The following IFT20 variants were observed in gnomAD, a reference collection of about 807,000 sequenced individuals.
IFT20 encodes the protein intraflagellar transport protein 20 homolog.
IFT20 carries 4 observed loss-of-function variants against 16.9 expected under a neutral mutation model. The observed-to-expected ratio is 0.24, with a 90% CI of 0.12 to 0.54. IFT20 has a LOEUF of 0.54. Among genes scored for constraint, IFT20 ranks in the 20% least tolerant of loss-of-function variants. The pLI is 0.95. For missense variants in IFT20, 154 were observed against 149.7 expected, an observed-to-expected ratio of 1.03 and a Z score of -0.15; for synonymous variants, 48 against 49.9, an observed-to-expected ratio of 0.96 and a Z score of 0.16.
intron 3 of IFT20, chr17:28,330,076 A>G: frequency 1.8e-6 from 1 of 542,182 alleles, no homozygotes. Flanking sequence ...AAAAAAAAAA[A>G]TACAAAAACC....
intron 2 of IFT20, among the ~76,000 whole-genome samples, chr17:28,331,054 C>G (rs1555576501): frequency 1.3e-5 from 2 of 152,228 alleles, no homozygotes; most frequent in African/African-American, 4.8e-5. Context: ...ACAAGCGCTG[C>G]CTCTGGACTA....
chr17:28,335,246 TC>T (rs1249354017), intron 1 of IFT20, 93 bp downstream of exon 1: 1 of 152,134 alleles, frequency 6.6e-6, no homozygotes, highest in Non-Finnish European at 1.5e-5. Context: ...CCCACGTCTC[TC>T]CCCGCCCGGT....
intron 1 of IFT20, 70 bp from the exon 2 acceptor site, chr17:28,332,057 C>A: frequency 6.2e-7 from 1 of 1,611,736 alleles, no homozygotes; most frequent in Non-Finnish European, 8.5e-7. Flanking sequence ...GCCAAGCCAG[C>A]CCCACTCCTG....
Position 28,328,326 on chromosome 17 carries a change from C to A in IFT20, c.*326G>T. ...GCAACAGGAAAAAAGGTACATCAAG[C>A]CATTTGAAAACAAAAATTTATTGCT... On this transcript the variant is annotated 3_prime_UTR_variant, in exon 5 of 5. Transcript: ENST00000395418. 1 of 250,916 alleles carries A rather than the reference C, an allele frequency of 4.0e-6. No individual in the cohort carries two copies. The highest frequency in any genetic ancestry group is 7.6e-6 in the Non-Finnish European group (1 of 131,850). The allele number at this position is 250,916 out of a possible 1,614,324, so 15.5% of individuals were successfully genotyped here.
intron 1 of IFT20, among the ~76,000 whole-genome samples, chr17:28,334,720 A>G (rs946780758): frequency 6.6e-6 from 1 of 152,242 alleles, no homozygotes; most frequent in Non-Finnish European, 1.5e-5. Context: ...TGGAAACAGG[A>G]GACTATTGCA....
At chr17:28,330,652 T>C in intron 2 of IFT20, 124 bp from the exon 3 acceptor site, 1 of 688,862 alleles carries the variant, frequency 1.5e-6, no homozygotes, top group South Asian at 1.7e-5. Flanking sequence ...AATAGTTCGG[T>C]GTGGGCCAGG....
rs948236851 is a variant in IFT20, at chr17:28,328,370, T to G, written c.*282A>C. ...TATTGCTTCTCCTTCCAAAGCTTTG[T>G]GAATTTACAAAAAAAAGGATGAAAG... On this transcript the variant is annotated 3_prime_UTR_variant, in exon 5 of 5. Transcript: ENST00000395418. 21 of 323,052 alleles carry G rather than the reference T, an allele frequency of 6.5e-5. No individual in the cohort carries two copies. In the Admixed American group the frequency reaches 9.9e-4, roughly 15 times the overall value. The allele number at this position is 323,052 out of a possible 1,614,324, so 20.0% of individuals were successfully genotyped here. A position where few individuals can be genotyped will look rare whatever the true frequency, so the allele number is the denominator to read the frequency against.
Position 28,329,200 on chromosome 17 carries a change from A to G in IFT20, c.290T>C (p.Ile97Thr), listed in dbSNP as rs1906556178. ...TTCTAGCTGCATTTTCTTTTCTGCT[A>G]TTAGGGCTTGAAGTTGCTGCTGTTG... The part of the protein sequence containing the change: ...EAQQQQLQAL[I>T]AEKKMQLERY... Residue 97 changes from isoleucine to threonine, a missense_variant, in exon 4 of 5, where the codon ATA becomes ACA. By Grantham distance (89) the Ile-to-Thr change is moderately conservative (BLOSUM62 -1). Transcript: ENST00000395418. 1.2e-6 allele frequency: 2 copies of G among 1,613,956 alleles called. No individual in the cohort carries two copies. Among genetic ancestry groups the G allele is most frequent in the South Asian group, 1.1e-5 (1 of 91,056 alleles).
At chr17:28,331,706 C>G in intron 2 of IFT20, 153 bp downstream of exon 2, 2 of 872,794 alleles carry the variant, frequency 2.3e-6, no homozygotes, top group Non-Finnish European at 3.7e-6. Context: ...CACAAGAGGG[C>G]AGACAGAAAA....
intron 2 of IFT20, among the ~76,000 whole-genome samples, chr17:28,330,768 T>C (rs1906724386): frequency 6.6e-6 from 1 of 152,224 alleles, no homozygotes; most frequent in Non-Finnish European, 1.5e-5. Flanking sequence ...GAACTGCCAC[T>C]GCATTCCAGC....
At chr17:28,334,224 G>T (rs2142375330) in intron 1 of IFT20, among the ~76,000 whole-genome samples, 1 of 152,352 alleles carries the variant, frequency 6.6e-6, no homozygotes, top group Middle Eastern at 3.4e-3. Flanking sequence ...TTCATGGGGG[G>T]CGGACTTGGA....
At position 28,331,882 on chromosome 17, in the gene IFT20, TCCTTCAGCTCTA is replaced by T. The variant is rs1906809115; in HGVS notation, c.92_103del (p.Ile31_Glu35delinsLys). On this transcript the variant is annotated inframe_deletion, in exon 2 of 5. Coordinates refer to ENST00000395418, the MANE Select transcript of IFT20 (RefSeq NM_001267776.2). Reference sequence around the variant, plus strand: ...ACTGTCCACAAAGTCTTTGCACTCTTCCTTCAGCTCTATGGTCTGCTGGGTAACCTCTGGGTC... The same window carrying T: ...ACTGTCCACAAAGTCTTTGCACTCTTTGGTCTGCTGGGTAACCTCTGGGTC... 16 of 1,614,238 alleles carry T rather than the reference TCCTTCAGCTCTA, an allele frequency of 9.9e-6. No homozygotes were observed. The highest frequency in any genetic ancestry group is 1.4e-5 in the Non-Finnish European group (16 of 1,180,044).
chr17:28,331,254 G>A (rs1179989116), intron 2 of IFT20: 1 of 154,388 alleles, frequency 6.5e-6, no homozygotes, highest in African/African-American at 2.4e-5. Context: ...GCAATCACAG[G>A]TTAGTGACAG....
Position 28,328,698 on chromosome 17 carries a change from TC to T in IFT20, c.352del (p.Glu118LysfsTer23). The T allele has an allele frequency of 6.2e-7, 1 of 1,604,508 alleles. No individual in the cohort carries two copies. The highest frequency in any genetic ancestry group is 8.5e-7 in the Non-Finnish European group (1 of 1,176,362). On this transcript the variant is annotated frameshift_variant, in exon 5 of 5. Coordinates refer to ENST00000395418, the MANE Select transcript of IFT20 (RefSeq NM_001267776.2). LOFTEE classifies it high-confidence loss of function. ...RVEYEALCKV[E>X]AEQNEFIDQF... ...GTCAATAAATTCATTTTGTTCTGCT[TC>T]TACTTTACACAAAGCTTCATATTCA...
At chr17:28,330,376 G>A (rs1190871888) in intron 3 of IFT20, 67 bp downstream of exon 3, 2 of 1,054,118 alleles carry the variant, frequency 1.9e-6, no homozygotes, top group Non-Finnish European at 3.0e-6. Flanking sequence ...CAAGAGGGAA[G>A]AGGGATGAGA....
intron 1 of IFT20, among the ~76,000 whole-genome samples, 179 bp downstream of exon 1, chr17:28,335,161 G>A (rs1489330263): frequency 3.3e-5 from 5 of 152,176 alleles, no homozygotes; most frequent in African/African-American, 9.7e-5. Context: ...TCGTAAGATC[G>A]TGGCAAGCAT....
chr17:28,330,188 A>T (rs1355480961), intron 3 of IFT20: 9 of 623,754 alleles, frequency 1.4e-5, no homozygotes, highest in Non-Finnish European at 2.0e-5. Flanking sequence ...GTGAGCCGAG[A>T]TTGCACCAGT....
At chr17:28,332,293 T>G in intron 1 of IFT20, 10 of 1,314,926 alleles carry the variant, frequency 7.6e-6, no homozygotes, top group Non-Finnish European at 1.0e-5. Context: ...ACACATTTCT[T>G]GAGTGCCTAC....
intron 2 of IFT20, among the ~76,000 whole-genome samples, chr17:28,330,938 T>C (rs1210491190): frequency 6.6e-6 from 1 of 152,218 alleles, no homozygotes; most frequent in Non-Finnish European, 1.5e-5. Context: ...CCTCCGGCTA[T>C]GAAAGCACTA....
Sources: allele counts gnomAD v4.1 joint callset (sites outside exome capture counted in the v4.1 genomes callset), GRCh38; gene constraint gnomAD v4.1.1; transcripts MANE v1.5; gene names NCBI Gene and HGNC (gene_info 2026-07-23, HGNC 2026-07-21).